The following KCNQ4 variants were observed in gnomAD, a reference collection of about 807,000 sequenced individuals.
KCNQ4 encodes potassium voltage-gated channel subfamily Q member 4, also known as potassium voltage-gated channel subfamily KQT member 4.
A neutral mutation model predicts 72.6 loss-of-function variants in KCNQ4; 31 were observed. The ratio of observed to expected loss-of-function variants is 0.43; its 90% CI spans 0.32 to 0.58. The LOEUF (loss-of-function observed/expected upper bound fraction) is 0.58. Ranked by LOEUF, KCNQ4 falls within the 20% of genes least tolerant of loss-of-function variation. The pLI, the probability that KCNQ4 is intolerant of heterozygous loss-of-function variation, is 0.08. For missense variants in KCNQ4, 869 were observed against 962.6 expected (o/e 0.90, Z 1.29); for synonymous variants, 405 against 403.7 (o/e 1.00, Z -0.04).
chr1:40,837,091 C>CTTTTTTTTTT, intron 12 of KCNQ4, among the ~76,000 whole-genome samples: 1 of 93,084 alleles, frequency 1.1e-5, no homozygotes, highest in Non-Finnish European at 2.0e-5. Flanking sequence ...CTTTTCTTTT[C>CTTTTTTTTTT]TTTTTTTTTT....
intron 9 of KCNQ4, among the ~76,000 whole-genome samples, chr1:40,828,723 G>T (rs968532354): frequency 2.0e-5 from 3 of 152,240 alleles, no homozygotes; most frequent in Non-Finnish European, 2.9e-5. Context: ...CTGGGAGCCT[G>T]GGAGGGGAAA....
In KCNQ4 at chr1:40,789,000, C is replaced by A. The variant is rs1193540563; in HGVS notation, c.314+4593C>A. ...CACTCACCATGGACACACACCCGGG[C>A]CCGTGGCTCCAGCCCAGACCCCTAG... On this transcript the variant is annotated intron_variant, in intron 1 of 13. Coordinates refer to ENST00000347132, the MANE Select transcript of KCNQ4 (RefSeq NM_004700.4). This position sits in a 1 kb window ranked among gnomAD's most constrained non-coding sequence, Gnocchi z 4.5. 6.6e-6 allele frequency among the ~76,000 whole-genome samples: 1 copy of A among 152,244 alleles called. No homozygotes were observed.
Position 40,838,710 on chromosome 1 carries a change from T to G in KCNQ4, c.*187T>G. ...TGGGTGCCAGCGCCCCTTCCCCACC[T>G]CAGGAGCGTGAGATGCCAGGTCGCA... On this transcript the variant is annotated 3_prime_UTR_variant, in exon 14 of 14. Coordinates refer to ENST00000347132, the MANE Select transcript of KCNQ4 (RefSeq NM_004700.4). The G allele has an allele frequency of 3.1e-6, 2 of 641,838 alleles. No individual in the cohort carries two copies. Among genetic ancestry groups the G allele is most frequent in the South Asian group, 1.8e-5 (1 of 55,774 alleles). The allele number at this position is 641,838 out of a possible 1,614,324, so 39.8% of individuals were successfully genotyped here. A position where few individuals can be genotyped will look rare whatever the true frequency, so the allele number is the denominator to read the frequency against.
Position 40,787,526 on chromosome 1 carries a change from G to A in KCNQ4, c.314+3119G>A, listed in dbSNP as rs571416610. On this transcript the variant is annotated intron_variant, in intron 1 of 13. Coordinates refer to ENST00000347132, the MANE Select transcript of KCNQ4 (RefSeq NM_004700.4). ...TTCTGGCTCCAAAAGGTGGGAGATTGCCTAGAGTACAAGCCCAGATTTGGC... is the reference window on the plus strand; with the variant it reads ...TTCTGGCTCCAAAAGGTGGGAGATTACCTAGAGTACAAGCCCAGATTTGGC... Among the ~76,000 whole-genome samples, 4 of 152,260 alleles carry A rather than the reference G, an allele frequency of 2.6e-5. No individual in the cohort carries two copies. The South Asian group carries it at 8.3e-4, about 32-fold the overall frequency.
chr1:40,831,516 G>A (rs1239474602), intron 10 of KCNQ4, among the ~76,000 whole-genome samples: 1 of 152,226 alleles, frequency 6.6e-6, no homozygotes, highest in Non-Finnish European at 1.5e-5. Context: ...ATCACGTGGA[G>A]GGTGGCATTT....
intron 1 of KCNQ4, among the ~76,000 whole-genome samples, chr1:40,786,285 C>G (rs977896080): frequency 6.6e-5 from 10 of 152,328 alleles, no homozygotes; most frequent in East Asian, 3.9e-4. Flanking sequence ...CTTACCCCCC[C>G]AGGCTTGGCC....
chr1:40,814,369 A>G (rs1356669685), intron 1 of KCNQ4, among the ~76,000 whole-genome samples: 3 of 152,108 alleles, frequency 2.0e-5, no homozygotes, highest in African/African-American at 7.2e-5. Context: ...TTTAAATTTT[A>G]TATTAGTTTG....
At chr1:40,793,470 C>T (rs1038356181) in intron 1 of KCNQ4, among the ~76,000 whole-genome samples, 6 of 152,104 alleles carry the variant, frequency 3.9e-5, no homozygotes, top group African/African-American at 1.4e-4. Flanking sequence ...CCTACGACAT[C>T]AGGGGTCACC....
In KCNQ4 at chr1:40,784,862, C is replaced by T. The variant is rs1471157823; in HGVS notation, c.314+455C>T. ...CTCCCCAGCTCTGAGCTATGAAGGG[C>T]TCCCCTCAGGGGTGCTCCTCTCCAG... On this transcript the variant is annotated intron_variant, in intron 1 of 13. Transcript: ENST00000347132. The surrounding 1 kb of genome is among the most constrained non-coding windows in gnomAD (Gnocchi z 4.1). Among the ~76,000 whole-genome samples, 1 of 152,218 alleles carries T rather than the reference C, an allele frequency of 6.6e-6. No homozygotes were observed. The highest frequency in any genetic ancestry group is 1.5e-5 in the Non-Finnish European group (1 of 68,036).
intron 9 of KCNQ4, among the ~76,000 whole-genome samples, chr1:40,825,948 G>C (rs78209205): frequency 6.6e-6 from 1 of 152,130 alleles, no homozygotes; most frequent in Non-Finnish European, 1.5e-5. Flanking sequence ...TCCCAGCCTC[G>C]TATCTATCTG....
intron 1 of KCNQ4, among the ~76,000 whole-genome samples, chr1:40,803,716 C>T (rs753944917): frequency 2.4e-4 from 36 of 152,228 alleles, no homozygotes; most frequent in South Asian, 6.2e-4. Flanking sequence ...CTGGCTGGTC[C>T]TGGATTTGGG....
chr1:40,825,070 A>G lies in KCNQ4; in HGVS notation c.1292+812A>G, dbSNP rs1396113008. Among the ~76,000 whole-genome samples, 3 of 152,210 alleles carry G rather than the reference A, an allele frequency of 2.0e-5. No homozygotes were observed. The East Asian group carries it at 5.8e-4, about 29-fold the overall frequency. Reference sequence around the variant, plus strand: ...ATGTTTGGATAAGGGAAGCCCGTCCACTCACAGCATGGGAAAGTGGCTGCT... The same window carrying G: ...ATGTTTGGATAAGGGAAGCCCGTCCGCTCACAGCATGGGAAAGTGGCTGCT... On this transcript the variant is annotated intron_variant, in intron 9 of 13. Coordinates refer to ENST00000347132, the MANE Select transcript of KCNQ4 (RefSeq NM_004700.4).
At chr1:40,806,296 C>T (rs1571285) in intron 1 of KCNQ4, among the ~76,000 whole-genome samples, 31,691 of 152,154 alleles carry the variant, frequency 0.21, 3,651 homozygotes, top group East Asian at 0.5. Context: ...GTTTCCCCTT[C>T]CTTTCAATGG....
At position 40,818,204 on chromosome 1, in the gene KCNQ4, T is replaced by C; in HGVS notation, c.446T>C (p.Val149Ala). The C allele has an allele frequency of 6.2e-7, 1 of 1,613,970 alleles. No individual in the cohort carries two copies. The highest frequency in any genetic ancestry group is 1.3e-5 in the African/African-American group (1 of 75,020). Residue 149 changes from valine to alanine, a missense_variant, in exon 3 of 14, where the codon GTC becomes GCC. Around this residue, in one of 5 missense-constraint regions of KCNQ4, gnomAD observed 179 missense variants for 243.0 expected, o/e 0.74. Coordinates refer to ENST00000347132, the MANE Select transcript of KCNQ4 (RefSeq NM_004700.4). ...GTGGTTTTCGGCTTGGAGTACATCG[T>C]CCGGGTCTGGTCCGCCGGATGCTGC... ...MIVVFGLEYI[V>A]RVWSAGCCCR...
chr1:40,828,015 C>T (rs911007261), intron 9 of KCNQ4, among the ~76,000 whole-genome samples: 11 of 152,214 alleles, frequency 7.2e-5, no homozygotes, highest in African/African-American at 2.7e-4. Flanking sequence ...CCTCCTTTGG[C>T]TGTGGAGGGT....
In KCNQ4 at chr1:40,784,334, C is replaced by A. The variant is rs760630974; in HGVS notation, c.241C>A (p.Arg81Ser). ...QRSSAAHKRY[R>S]RLQNWVYNVL... ...CTCCTCGGCCGCGCACAAGCGCTAC[C>A]GCCGCCTGCAGAACTGGGTCTACAA... The change falls in exon 1 of 14, where the codon CGC (arginine) becomes AGC (serine). Residue 81 changes from arginine to serine, a missense_variant. Arg to Ser is a moderately radical substitution (Grantham distance 110, BLOSUM62 -1). This residue lies in a region of KCNQ4 where 178 missense variants were observed against 145.3 expected (regional missense o/e 1.22). Coordinates refer to ENST00000347132, the MANE Select transcript of KCNQ4 (RefSeq NM_004700.4). This position sits in a 1 kb window ranked among gnomAD's most constrained non-coding sequence, Gnocchi z 4.1. The A allele has an allele frequency of 6.2e-7, 1 of 1,609,184 alleles. No homozygotes were observed. The highest frequency in any genetic ancestry group is 1.1e-5 in the South Asian group (1 of 91,070).
chr1:40,815,829 G>A (rs146978755), intron 1 of KCNQ4, among the ~76,000 whole-genome samples: 1,654 of 152,194 alleles, frequency 0.011, 36 homozygotes, highest in African/African-American at 0.036. Context: ...GCTCAGAGAA[G>A]GCAGGTGACA....
chr1:40,809,038 C>T (rs1224993291), intron 1 of KCNQ4, among the ~76,000 whole-genome samples: 1 of 152,202 alleles, frequency 6.6e-6, no homozygotes, highest in Non-Finnish European at 1.5e-5. Flanking sequence ...GACCCAGTGA[C>T]CAATGTGTCA....
At position 40,840,254 on chromosome 1, in the gene KCNQ4, G is replaced by A. The variant is rs748410295; in HGVS notation, c.*1731G>A. 4 of 152,336 alleles carry A rather than the reference G, an allele frequency of 2.6e-5. No individual in the cohort carries two copies. Among genetic ancestry groups the A allele is most frequent in the Non-Finnish European group, 4.4e-5 (3 of 68,152 alleles). 9.4% of individuals were successfully genotyped at this position (152,336 alleles called of 1,614,324 possible). A position where few individuals can be genotyped will look rare whatever the true frequency, so the allele number is the denominator to read the frequency against. On this transcript the variant is annotated 3_prime_UTR_variant, in exon 14 of 14. Coordinates refer to ENST00000347132, the MANE Select transcript of KCNQ4 (RefSeq NM_004700.4). Reference sequence around the variant, plus strand: ...CCACCTGCACTGCACTGTCCCCAGAGAGCCACCCCTCCACCCACTCAGAGA... The same window carrying A: ...CCACCTGCACTGCACTGTCCCCAGAAAGCCACCCCTCCACCCACTCAGAGA...
Sources: allele counts gnomAD v4.1 joint callset (sites outside exome capture counted in the v4.1 genomes callset), GRCh38; gene constraint gnomAD v4.1.1; regional missense constraint gnomAD v4.1.1; non-coding constraint Gnocchi (gnomAD v3.1); transcripts MANE v1.5; gene names NCBI Gene and HGNC (gene_info 2026-07-23, HGNC 2026-07-21).